The following PLB1 variants were observed in gnomAD, a reference collection of about 807,000 sequenced individuals.
The protein encoded by PLB1 is phospholipase B1, also known as phospholipase B1, membrane-associated.
In PLB1, 242 loss-of-function variants were observed where a neutral mutation model predicts 227.4. The observed-to-expected ratio is 1.06, with a 90% confidence interval of 0.96 to 1.18. PLB1 has a LOEUF of 1.18. PLB1 is among the 50% of genes most tolerant of loss of function. The probability of loss-of-function intolerance (pLI) is 0.00; values close to 1 mark genes in which losing one functional copy is unlikely to be tolerated. For synonymous variants in PLB1, 757 were observed against 682.2 expected (o/e 1.11, Z -1.71); for missense variants, 1,858 against 1,816.3 (o/e 1.02, Z -0.42).
At chr2:28,542,511 T>A (rs981103041) in intron 13 of PLB1, among the ~76,000 whole-genome samples, 1 of 152,180 alleles carries the variant, frequency 6.6e-6, no homozygotes, top group African/African-American at 2.4e-5. Flanking sequence ...GAGTTAATAC[T>A]TGGGGGGATG....
At chr2:28,590,523 G>A (rs535391149) in intron 29 of PLB1, among the ~76,000 whole-genome samples, 1 of 152,276 alleles carries the variant, frequency 6.6e-6, no homozygotes, top group African/African-American at 2.4e-5. Flanking sequence ...GAGTAAATTG[G>A]AAGCTGGAGC....
At chr2:28,542,689 C>T (rs2148210556) in intron 13 of PLB1, among the ~76,000 whole-genome samples, 1 of 152,326 alleles carries the variant, frequency 6.6e-6, no homozygotes, top group South Asian at 2.1e-4. Context: ...TCCCCCAGGA[C>T]ACTGGGCAAG....
intron 4 of PLB1, among the ~76,000 whole-genome samples, chr2:28,524,918 G>A (rs1670030156): frequency 6.8e-6 from 1 of 147,370 alleles, no homozygotes; most frequent in Admixed American, 6.8e-5. Flanking sequence ...CACCATCTTG[G>A]CTTGCTGCAA....
rs548635504 is a variant in PLB1, at chr2:28,589,931, C to G, written c.2017-74C>G. 4.8e-6 allele frequency: 7 copies of G among 1,456,570 alleles called. No homozygotes were observed. In the Admixed American group the frequency reaches 1.2e-4, roughly 24 times the overall value. The allele number at this position is 1,456,570 out of a possible 1,614,324, so 90.2% of individuals were successfully genotyped here. A position where few individuals can be genotyped will look rare whatever the true frequency, so the allele number is the denominator to read the frequency against. On this transcript the variant is annotated intron_variant, in intron 28 of 57. Coordinates refer to ENST00000327757, the MANE Select transcript of PLB1 (RefSeq NM_153021.5). ...CTTCATCCCTCCCTGCCTCCCGCACCCCTGACCTGCGTCCTGAGCTTTCCA... is the reference window on the plus strand; with the variant it reads ...CTTCATCCCTCCCTGCCTCCCGCACGCCTGACCTGCGTCCTGAGCTTTCCA...
chr2:28,638,759 A>T (rs745974922), intron 56 of PLB1, among the ~76,000 whole-genome samples: 1 of 150,498 alleles, frequency 6.6e-6, no homozygotes, highest in Non-Finnish European at 1.5e-5. Flanking sequence ...ACTGCCTTCC[A>T]GACATCCACA....
chr2:28,536,376 T>C (rs1324334128), intron 9 of PLB1, among the ~76,000 whole-genome samples: 2 of 152,142 alleles, frequency 1.3e-5, no homozygotes, highest in South Asian at 2.1e-4. Context: ...CTAGTTAAAT[T>C]TGGCTTTATT....
intron 15 of PLB1, 74 bp from the exon 16 acceptor site, chr2:28,549,935 TG>T: frequency 7.7e-7 from 1 of 1,300,902 alleles, no homozygotes; most frequent in East Asian, 2.4e-5. Flanking sequence ...AAAGCATCAC[TG>T]GATGCTGAAG....
chr2:28,513,599 TTTGGGGTCC>T (rs778738477), intron 1 of PLB1, among the ~76,000 whole-genome samples: 8 of 152,252 alleles, frequency 5.3e-5, no homozygotes, highest in Non-Finnish European at 7.3e-5. Flanking sequence ...TTATTTTCTC[TTTGGGGTCC>T]TGACTTCTCA....
At chr2:28,582,040 G>A (rs1406730628) in intron 23 of PLB1, 28 bp from the exon 24 acceptor site, 1 of 1,596,824 alleles carries the variant, frequency 6.3e-7, no homozygotes, top group Non-Finnish European at 8.6e-7. Flanking sequence ...GACAAATGGT[G>A]TTCAAGGGAC....
At chr2:28,501,642 G>A (rs1402241383) in intron 1 of PLB1, among the ~76,000 whole-genome samples, 2 of 151,956 alleles carry the variant, frequency 1.3e-5, no homozygotes, top group Admixed American at 1.3e-4. Flanking sequence ...CATTCCTGTA[G>A]GTAACCAATT....
intron 7 of PLB1, 77 bp downstream of exon 7, chr2:28,529,484 G>T (rs112316129): frequency 7.9e-7 from 1 of 1,261,840 alleles, no homozygotes; most frequent in African/African-American, 1.5e-5. Context: ...GGATTTGGGG[G>T]GCTGGCAAAG....
At chr2:28,627,579 AC>A (rs1270811578) in intron 51 of PLB1, among the ~76,000 whole-genome samples, 1 of 151,714 alleles carries the variant, frequency 6.6e-6, no homozygotes, top group African/African-American at 2.4e-5. Flanking sequence ...CTCTATTTTA[AC>A]TCTTCGGCAT....
chr2:28,505,112 C>T (rs1667510357), intron 1 of PLB1, among the ~76,000 whole-genome samples: 1 of 152,184 alleles, frequency 6.6e-6, no homozygotes, highest in Admixed American at 6.5e-5. Flanking sequence ...TCATGTATAA[C>T]AGCCTTCCTT....
chr2:28,562,910 C>A, intron 17 of PLB1, 131 bp from the exon 18 acceptor site: 3 of 820,654 alleles, frequency 3.7e-6, no homozygotes, highest in South Asian at 3.0e-5. Context: ...TATCTTTTAT[C>A]CAAGGTGTCT....
intron 21 of PLB1, among the ~76,000 whole-genome samples, chr2:28,576,687 G>A (rs112953675): frequency 0.021 from 3,125 of 152,196 alleles, 113 homozygotes; most frequent in African/African-American, 0.071. Flanking sequence ...CTGAGATCAC[G>A]CCATTGCACT....
intron 42 of PLB1, among the ~76,000 whole-genome samples, chr2:28,606,269 C>T (rs1007305805): frequency 4.6e-5 from 7 of 152,154 alleles, no homozygotes; most frequent in Non-Finnish European, 1.0e-4. Context: ...TAAGGCTCTG[C>T]ATATCCCTGC....
chr2:28,580,893 G>C (rs535617022), intron 23 of PLB1, among the ~76,000 whole-genome samples: 1 of 152,224 alleles, frequency 6.6e-6, no homozygotes, highest in African/African-American at 2.4e-5. Flanking sequence ...TGGCCTGTGA[G>C]CACCTACCTG....
chr2:28,578,251 G>A, intron 22 of PLB1, 93 bp downstream of exon 22: 1 of 1,236,134 alleles, frequency 8.1e-7, no homozygotes, highest in South Asian at 1.2e-5. Flanking sequence ...CCCGGCTTGG[G>A]TTTCTAGCAG....
Position 28,625,213 on chromosome 2 carries a change from G to C in PLB1, c.3579+105G>C, listed in dbSNP as rs1482242411. The C allele has an allele frequency of 2.6e-5, 28 of 1,091,894 alleles. No individual in the cohort carries two copies. The South Asian group carries it at 3.1e-4, about 12-fold the overall frequency. 67.6% of individuals were successfully genotyped at this position (1,091,894 alleles called of 1,614,324 possible). ...CTCTCACCACAGCACTTCCTGCTTT[G>C]GGCTAGCCAAAAGATCCTCGGAGAA... On this transcript the variant is annotated intron_variant, in intron 50 of 57. Coordinates refer to ENST00000327757, the MANE Select transcript of PLB1 (RefSeq NM_153021.5).
Sources: gnomAD v4.1 joint callset for allele counts (sites outside exome capture counted in the v4.1 genomes callset) on GRCh38, gnomAD v4.1.1 for gene constraint, MANE v1.5 for transcripts, NCBI Gene and HGNC (gene_info 2026-07-23, HGNC 2026-07-21) for gene names.